The following TESPA1 variants were observed in gnomAD, a reference collection of about 807,000 sequenced individuals.
TESPA1 encodes the protein thymocyte expressed, positive selection associated 1.
A neutral mutation model predicts 57.9 loss-of-function variants in TESPA1; 33 were observed. The ratio of observed to expected loss-of-function variants is 0.57; its 90% CI spans 0.43 to 0.76. The LOEUF is 0.76. Among genes scored for constraint, TESPA1 ranks in the 30% least tolerant of loss-of-function variants. The pLI, the probability that TESPA1 is intolerant of heterozygous loss-of-function variation, is 0.00. For missense variants in TESPA1, 618 were observed against 632.9 expected (o/e 0.98, Z 0.25); for synonymous variants, 227 against 228.9 (o/e 0.99, Z 0.07).
chr12:54,963,247 G>A lies in TESPA1; in HGVS notation c.656-5C>T. The A allele has an allele frequency of 6.2e-7, 1 of 1,605,220 alleles. No individual in the cohort carries two copies. The highest frequency in any genetic ancestry group is 8.5e-7 in the Non-Finnish European group (1 of 1,175,844). On this transcript the variant is annotated splice_polypyrimidine_tract_variant and splice_region_variant and intron_variant, in intron 8 of 10. Transcript: ENST00000449076. The stretch of plus-strand genomic sequence containing the variant: ...TTTGCACCTGCTTAAACCTGCCTGG[G>A]TACAAGAGTTAAAGATGGTAAGTCT...
intron 3 of TESPA1, among the ~76,000 whole-genome samples, chr12:54,971,819 A>G (rs1283400548): frequency 6.6e-6 from 1 of 152,192 alleles, no homozygotes; most frequent in Non-Finnish European, 1.5e-5. Context: ...TCACTATCCA[A>G]GAGTTAATAT....
At chr12:54,963,976 A>C (rs1364560422) in intron 7 of TESPA1, 26 bp from the exon 8 acceptor site, 2 of 1,605,762 alleles carry the variant, frequency 1.2e-6, no homozygotes, top group Non-Finnish European at 1.7e-6. Context: ...TTGGGTAAAT[A>C]AGGGACAACT....
chr12:54,974,011 G>T, intron 2 of TESPA1: 1 of 661,988 alleles, frequency 1.5e-6, no homozygotes, highest in Non-Finnish European at 1.9e-6. Context: ...AGAGGTGAGT[G>T]ACTTCCCAAA....
chr12:54,972,932 G>T (rs1951924787), intron 3 of TESPA1, among the ~76,000 whole-genome samples: 1 of 152,170 alleles, frequency 6.6e-6, no homozygotes, highest in Admixed American at 6.6e-5. Context: ...GAACGGTACA[G>T]GCTGATGGGC....
chr12:54,951,836 A>G (rs1565814772), intron 10 of TESPA1, among the ~76,000 whole-genome samples: 1 of 150,994 alleles, frequency 6.6e-6, no homozygotes, highest in Non-Finnish European at 1.5e-5. Context: ...TTAAATATTA[A>G]TATTTCTAAG....
intron 10 of TESPA1, among the ~76,000 whole-genome samples, chr12:54,950,709 C>T (rs1469881997): frequency 6.6e-6 from 1 of 152,204 alleles, no homozygotes; most frequent in Non-Finnish European, 1.5e-5. Context: ...TCATGTTCTG[C>T]ACCTTGAAAT....
chr12:54,956,325 T>C (rs528020042), intron 10 of TESPA1, among the ~76,000 whole-genome samples: 2 of 152,312 alleles, frequency 1.3e-5, no homozygotes, highest in African/African-American at 4.8e-5. Context: ...CTTCCACCTC[T>C]AGATATGGTC....
intron 3 of TESPA1, among the ~76,000 whole-genome samples, chr12:54,972,397 A>C (rs939994868): frequency 6.6e-6 from 1 of 152,206 alleles, no homozygotes; most frequent in Admixed American, 6.5e-5. Context: ...TTGATGACTC[A>C]AGAGTAGTTA....
At chr12:54,982,810 G>A (rs755302858) in intron 1 of TESPA1, among the ~76,000 whole-genome samples, 10 of 152,112 alleles carry the variant, frequency 6.6e-5, no homozygotes, top group Non-Finnish European at 1.5e-4. Flanking sequence ...GCTCTGTCCT[G>A]CATATATTCA....
At chr12:54,976,134 TC>T (rs1592420482) in intron 1 of TESPA1, among the ~76,000 whole-genome samples, 1 of 152,182 alleles carries the variant, frequency 6.6e-6, no homozygotes, top group Admixed American at 6.5e-5. Context: ...GACTTGCTAT[TC>T]TTTGGTCAGA....
At chr12:54,959,476 C>T (rs1319274405) in intron 10 of TESPA1, among the ~76,000 whole-genome samples, 1 of 152,206 alleles carries the variant, frequency 6.6e-6, no homozygotes, top group African/African-American at 2.4e-5. Flanking sequence ...TGGTTGAGCT[C>T]CTAGAAGTAA....
intron 10 of TESPA1, among the ~76,000 whole-genome samples, chr12:54,955,534 G>T (rs72648127): frequency 0.21 from 31,236 of 152,146 alleles, 5,458 homozygotes; most frequent in East Asian, 0.84. Context: ...TAAGTCTAGG[G>T]TGAACTGTGA....
chr12:54,953,869 A>G (rs1421559701), intron 10 of TESPA1, among the ~76,000 whole-genome samples: 1 of 152,174 alleles, frequency 6.6e-6, no homozygotes, highest in Non-Finnish European at 1.5e-5. Flanking sequence ...AAGTAATGCC[A>G]TCTTCTGAAA....
chr12:54,965,940 G>T, intron 7 of TESPA1, 113 bp downstream of exon 7: 2 of 972,142 alleles, frequency 2.1e-6, no homozygotes, highest in South Asian at 1.5e-5. Flanking sequence ...CAGTAAAAGT[G>T]CATAAAAGCT....
At position 54,962,856 on chromosome 12, in the gene TESPA1, C is replaced by T; in HGVS notation, c.1042G>A (p.Ala348Thr). The T allele has an allele frequency of 6.2e-7, 1 of 1,613,754 alleles. No individual in the cohort carries two copies. The highest frequency in any genetic ancestry group is 1.1e-5 in the South Asian group (1 of 91,072). Reference protein sequence around the residue: ...QFSQEDPVPPAEGKKLPTSPY... With the variant: ...QFSQEDPVPPTEGKKLPTSPY... Reference sequence around the variant, plus strand: ...GAAGTGGGCAACTTCTTACCCTCAGCAGGGGGCACAGGATCTTCCTGTGAG... The same window carrying T: ...GAAGTGGGCAACTTCTTACCCTCAGTAGGGGGCACAGGATCTTCCTGTGAG... Residue 348 changes from alanine (A) to threonine (T), a missense_variant, in exon 9 of 11, where the codon GCT becomes ACT. This residue lies in a region of TESPA1 where 409 missense variants were observed against 420.1 expected (regional missense o/e 0.97). Transcript: ENST00000449076.
chr12:54,948,974 T>A lies in TESPA1; in HGVS notation c.*1418A>T, dbSNP rs1383988732. 1 of 152,204 alleles carries A rather than the reference T, an allele frequency of 6.6e-6. No individual in the cohort carries two copies. The highest frequency in any genetic ancestry group is 1.5e-5 in the Non-Finnish European group (1 of 68,034). 9.4% of individuals were successfully genotyped at this position (152,204 alleles called of 1,614,324 possible). A position where few individuals can be genotyped will look rare whatever the true frequency, so the allele number is the denominator to read the frequency against. ...TCCAGCCTCTTCCCAGTTTTACAACTCAGGAATATCTTTCTCTAGGACCTG... is the reference window on the plus strand; with the variant it reads ...TCCAGCCTCTTCCCAGTTTTACAACACAGGAATATCTTTCTCTAGGACCTG... On this transcript the variant is annotated 3_prime_UTR_variant, in exon 11 of 11. Transcript: ENST00000449076.
intron 3 of TESPA1, among the ~76,000 whole-genome samples, chr12:54,971,684 A>T (rs11171201): frequency 0.059 from 9,033 of 152,192 alleles, 698 homozygotes; most frequent in East Asian, 0.21. Flanking sequence ...ACATTTTGCC[A>T]TATTTGCTTC....
At chr12:54,954,728 C>T (rs568674849) in intron 10 of TESPA1, among the ~76,000 whole-genome samples, 25 of 140,480 alleles carry the variant, frequency 1.8e-4, no homozygotes, top group African/African-American at 6.7e-4. Context: ...GAGATGATGT[C>T]CACAGGATTA....
chr12:54,950,478 G>A (rs962671992), intron 10 of TESPA1, 88 bp from the exon 11 acceptor site: 1 of 370,238 alleles, frequency 2.7e-6, no homozygotes, highest in African/African-American at 2.1e-5. Context: ...TACCTCAGCT[G>A]TGGAAATGTT....
Sources: gnomAD v4.1 joint callset for allele counts (sites outside exome capture counted in the v4.1 genomes callset) on GRCh38, gnomAD v4.1.1 for gene constraint, gnomAD v4.1.1 regional missense constraint, MANE v1.5 for transcripts, NCBI Gene and HGNC (gene_info 2026-07-23, HGNC 2026-07-21) for gene names.